The following KCTD16 variants were observed in gnomAD, a reference collection of about 807,000 sequenced individuals.
KCTD16 encodes the protein BTB/POZ domain-containing protein KCTD16.
In KCTD16, 13 loss-of-function variants were observed where a neutral mutation model predicts 33.2. The ratio of observed to expected loss-of-function variants is 0.39; its 90% CI spans 0.25 to 0.62. KCTD16 has a LOEUF of 0.62. KCTD16 is among the 20% of genes least tolerant of loss of function. The probability of loss-of-function intolerance (pLI) is 0.50; values close to 1 mark genes in which losing one functional copy is unlikely to be tolerated. For missense variants in KCTD16, 441 were observed against 525.1 expected (o/e 0.84, Z 1.57); for synonymous variants, 197 against 195.3 (o/e 1.01, Z -0.07).
chr5:144,449,327 C>A (rs912113356), intron 3 of KCTD16, among the ~76,000 whole-genome samples: 2 of 151,744 alleles, frequency 1.3e-5, no homozygotes, highest in Non-Finnish European at 2.9e-5. Context: ...GCATACTATG[C>A]AAAGCTGTCT....
intron 3 of KCTD16, among the ~76,000 whole-genome samples, chr5:144,424,005 A>G (rs1424852512): frequency 3.9e-5 from 6 of 152,202 alleles, no homozygotes; most frequent in African/African-American, 1.4e-4. Context: ...AAGTCCTCAC[A>G]TTAAAAGGGT....
chr5:144,315,710 T>C (rs1036192021), intron 3 of KCTD16, among the ~76,000 whole-genome samples: 13 of 152,158 alleles, frequency 8.5e-5, no homozygotes, highest in Non-Finnish European at 1.9e-4. Context: ...TGTAATGCCA[T>C]GCAGGTAGTA....
At chr5:144,231,645 A>G (rs1258578858) in intron 3 of KCTD16, among the ~76,000 whole-genome samples, 1 of 152,070 alleles carries the variant, frequency 6.6e-6, no homozygotes, top group Non-Finnish European at 1.5e-5. Context: ...GTTGGAGATA[A>G]TTGAATTATG....
At chr5:144,248,278 G>A (rs934057190) in intron 3 of KCTD16, among the ~76,000 whole-genome samples, 1 of 152,164 alleles carries the variant, frequency 6.6e-6, no homozygotes, top group Non-Finnish European at 1.5e-5. Context: ...AAGAGGCAAA[G>A]AAAGAAAGCT....
chr5:144,346,478 T>G (rs1752803802), intron 3 of KCTD16, among the ~76,000 whole-genome samples: 1 of 152,144 alleles, frequency 6.6e-6, no homozygotes, highest in Non-Finnish European at 1.5e-5. Context: ...CTACCAACAG[T>G]GTACACCGAA....
At chr5:144,392,844 T>G (rs1355928855) in intron 3 of KCTD16, among the ~76,000 whole-genome samples, 3 of 152,140 alleles carry the variant, frequency 2.0e-5, no homozygotes, top group African/African-American at 7.2e-5. Flanking sequence ...GAAGCCTCCA[T>G]CAACGCAAGC....
chr5:144,442,450 C>CTTTCTTTCTTTCTTTCTTTCT (rs1554095073), intron 3 of KCTD16, among the ~76,000 whole-genome samples: 4 of 147,762 alleles, frequency 2.7e-5, no homozygotes, highest in South Asian at 2.1e-4. Context: ...TCTTTTCTTT[C>CTTTCTTTCTTTCTTTCTTTCT]TTCTTTCTTT....
At chr5:144,376,606 G>T (rs74729512) in intron 3 of KCTD16, among the ~76,000 whole-genome samples, 8,914 of 152,208 alleles carry the variant, frequency 0.059, 852 homozygotes, top group African/African-American at 0.2. Flanking sequence ...CTGATTTACA[G>T]AGCAGCCAGA....
chr5:144,357,406 G>A (rs146520713), intron 3 of KCTD16, among the ~76,000 whole-genome samples: 8 of 152,238 alleles, frequency 5.3e-5, no homozygotes, highest in Non-Finnish European at 1.2e-4. Context: ...ATAATCTTAG[G>A]CGATGTAGGA....
intron 3 of KCTD16, among the ~76,000 whole-genome samples, chr5:144,297,321 G>A (rs1412581800): frequency 6.6e-6 from 1 of 152,156 alleles, no homozygotes; most frequent in East Asian, 1.9e-4. Flanking sequence ...AAAAAATACA[G>A]CCAAAACAGC....
chr5:144,369,091 G>A (rs949570281), intron 3 of KCTD16, among the ~76,000 whole-genome samples: 1 of 152,002 alleles, frequency 6.6e-6, no homozygotes, highest in Non-Finnish European at 1.5e-5. Flanking sequence ...TGCTTGCTTT[G>A]TGTGAGAGAG....
At chr5:144,229,631 A>G (rs990189107) in intron 3 of KCTD16, among the ~76,000 whole-genome samples, 4 of 152,202 alleles carry the variant, frequency 2.6e-5, no homozygotes, top group Non-Finnish European at 4.4e-5. Context: ...AACAAGTCCA[A>G]GGTCCCCAAG....
intron 3 of KCTD16, among the ~76,000 whole-genome samples, chr5:144,307,396 C>T (rs1751630990): frequency 6.6e-6 from 1 of 152,188 alleles, no homozygotes; most frequent in Non-Finnish European, 1.5e-5. Flanking sequence ...AGGACTGAGA[C>T]AGCATCTTGC....
At chr5:144,258,967 A>G (rs1754926072) in intron 3 of KCTD16, among the ~76,000 whole-genome samples, 1 of 152,156 alleles carries the variant, frequency 6.6e-6, no homozygotes. Flanking sequence ...AGCCATAAAA[A>G]AAGGGATGAG....
At chr5:144,332,594 C>A (rs1255547498) in intron 3 of KCTD16, among the ~76,000 whole-genome samples, 2 of 152,134 alleles carry the variant, frequency 1.3e-5, no homozygotes, top group Non-Finnish European at 2.9e-5. Flanking sequence ...GCTGACAAGA[C>A]CCTGAACTTC....
chr5:144,343,371 T>A (rs1362898650), intron 3 of KCTD16, among the ~76,000 whole-genome samples: 2 of 152,128 alleles, frequency 1.3e-5, no homozygotes, highest in African/African-American at 4.8e-5. Context: ...TGCATAGAGG[T>A]GTTTGTAGTA....
chr5:144,406,755 A>G (rs1475396453), intron 3 of KCTD16, among the ~76,000 whole-genome samples: 1 of 152,216 alleles, frequency 6.6e-6, no homozygotes, highest in African/African-American at 2.4e-5. Context: ...GAAAAATGGA[A>G]AAGGCTGAAG....
At chr5:144,203,167 C>T (rs999235222) in intron 2 of KCTD16, among the ~76,000 whole-genome samples, 8 of 151,992 alleles carry the variant, frequency 5.3e-5, no homozygotes, top group Admixed American at 3.9e-4. Flanking sequence ...AACAGAACTC[C>T]TCATTTTAAA....
At chr5:144,319,651 T>C (rs972611643) in intron 3 of KCTD16, among the ~76,000 whole-genome samples, 1 of 152,246 alleles carries the variant, frequency 6.6e-6, no homozygotes, top group African/African-American at 2.4e-5. Flanking sequence ...TCACTGTCAA[T>C]GTTGTAAGAA....
Sources: allele counts gnomAD v4.1 joint callset (sites outside exome capture counted in the v4.1 genomes callset), GRCh38; gene constraint gnomAD v4.1.1; transcripts MANE v1.5; gene names NCBI Gene and HGNC (gene_info 2026-07-23, HGNC 2026-07-21).